The following LPP variants were observed in gnomAD, a reference collection of about 807,000 sequenced individuals.
The protein encoded by LPP is LIM domain containing preferred translocation partner in lipoma.
Under a neutral mutation model 60.4 loss-of-function variants are expected in LPP, and 38 were observed. The observed-to-expected ratio is 0.63, with a 90% CI of 0.49 to 0.83. The LOEUF is 0.83. Ranked by LOEUF, LPP falls within the 40% of genes least tolerant of loss-of-function variation. The pLI is 0.00. For synonymous variants in LPP, 328 were observed against 290.8 expected, an observed-to-expected ratio of 1.13 and a Z score of -1.30; for missense variants, 902 against 783.6, an observed-to-expected ratio of 1.15 and a Z score of -1.80.
At chr3:188,424,584 G>A (rs577910982) in intron 4 of LPP, among the ~76,000 whole-genome samples, 1 of 152,250 alleles carries the variant, frequency 6.6e-6, no homozygotes, top group South Asian at 2.1e-4. Flanking sequence ...TTATCCATGA[G>A]CATGGAATGG....
chr3:188,574,408 C>T (rs959116092), intron 6 of LPP, among the ~76,000 whole-genome samples: 2 of 152,134 alleles, frequency 1.3e-5, no homozygotes, highest in African/African-American at 4.8e-5. Context: ...ATTTTATCTC[C>T]CACAAATATA....
chr3:188,299,231 A>G (rs899300150), intron 2 of LPP, among the ~76,000 whole-genome samples: 6 of 152,172 alleles, frequency 3.9e-5, no homozygotes, highest in African/African-American at 1.4e-4. Context: ...CATTTCAGTC[A>G]TATCTTCCTT....
At chr3:188,314,338 G>A (rs1754405195) in intron 2 of LPP, among the ~76,000 whole-genome samples, 1 of 151,392 alleles carries the variant, frequency 6.6e-6, no homozygotes, top group African/African-American at 2.4e-5. Flanking sequence ...AGGTTATCTA[G>A]CTTTTTTTTT....
At chr3:188,816,198 CTTTTTTTTTT>C (rs34839724) in intron 9 of LPP, among the ~76,000 whole-genome samples, 69 of 103,940 alleles carry the variant, frequency 6.6e-4, no homozygotes, top group African/African-American at 2.3e-3. Flanking sequence ...GCTTCCTTCT[CTTTTTTTTTT>C]TTTTTTTTTT....
intron 4 of LPP, among the ~76,000 whole-genome samples, chr3:188,466,066 T>G (rs1800295582): frequency 6.6e-6 from 1 of 152,160 alleles, no homozygotes; most frequent in Non-Finnish European, 1.5e-5. Context: ...ATCAGAATCC[T>G]AGGTACTCTC....
rs542213743 is a variant in LPP at position 188,154,187 on chromosome 3, A to AGCCGCCGCCGCCGCC, written c.-242_-228dup. On this transcript the variant is annotated 5_prime_UTR_variant, in exon 1 of 12. Coordinates refer to ENST00000617246, the MANE Select transcript of LPP (RefSeq NM_001375462.1). ...CTCCTCTGCCTCTGCCTCCGCCTCCAGCCGCCGCCGCCGCCGCCGCCGCCG... is the reference window on the plus strand; with the variant it reads ...CTCCTCTGCCTCTGCCTCCGCCTCCAGCCGCCGCCGCCGCCGCCGCCGCCGCCGCCGCCGCCGCCG... The AGCCGCCGCCGCCGCC allele has an allele frequency of 7.5e-5, 16 of 212,026 alleles. 2 individuals carry two copies. Among genetic ancestry groups the AGCCGCCGCCGCCGCC allele is most frequent in the Middle Eastern group, 4.1e-3 (2 of 484 alleles). The allele number at this position is 212,026 out of a possible 1,614,324, so 13.1% of individuals were successfully genotyped here. A position where few individuals can be genotyped will look rare whatever the true frequency, so the allele number is the denominator to read the frequency against.
At chr3:188,462,909 C>A (rs1799494533) in intron 4 of LPP, among the ~76,000 whole-genome samples, 1 of 151,912 alleles carries the variant, frequency 6.6e-6, no homozygotes, top group East Asian at 1.9e-4. Flanking sequence ...GAATTTGTGA[C>A]CAACCTGGCC....
intron 2 of LPP, among the ~76,000 whole-genome samples, chr3:188,327,918 GA>G (rs1273579436): frequency 6.6e-6 from 1 of 152,066 alleles, no homozygotes; most frequent in Non-Finnish European, 1.5e-5. Context: ...AGTAAGAAAT[GA>G]AACTACAATT....
chr3:188,854,264 T>G (rs1408046699), intron 9 of LPP, among the ~76,000 whole-genome samples: 1 of 152,064 alleles, frequency 6.6e-6, no homozygotes, highest in African/African-American at 2.4e-5. Context: ...TTTGGCAGGG[T>G]GGGGGAGGAA....
intron 7 of LPP, among the ~76,000 whole-genome samples, chr3:188,697,918 A>G (rs927071246): frequency 1.4e-5 from 2 of 146,966 alleles, no homozygotes; most frequent in Non-Finnish European, 2.9e-5. Flanking sequence ...AATTATGACA[A>G]TCCAAGTATC....
intron 7 of LPP, among the ~76,000 whole-genome samples, chr3:188,686,758 G>A (rs1391035478): frequency 2.6e-5 from 4 of 152,220 alleles, no homozygotes; most frequent in African/African-American, 9.6e-5. Context: ...CTCTGATGGT[G>A]AGTATGGGAA....
At chr3:188,285,348 C>T (rs936042909) in intron 2 of LPP, among the ~76,000 whole-genome samples, 1 of 152,144 alleles carries the variant, frequency 6.6e-6, no homozygotes. Context: ...TTATGGTAAT[C>T]CCCATATCTT....
At chr3:188,705,698 A>G (rs1865352593) in intron 7 of LPP, among the ~76,000 whole-genome samples, 1 of 151,784 alleles carries the variant, frequency 6.6e-6, no homozygotes, top group Non-Finnish European at 1.5e-5. Context: ...TCTTGGCTCA[A>G]ACTGTACCAC....
intron 6 of LPP, among the ~76,000 whole-genome samples, chr3:188,563,458 A>ATGTGTGTGTG (rs966931196): frequency 1.6e-4 from 12 of 76,064 alleles, no homozygotes; most frequent in African/African-American, 5.6e-4. Context: ...ATTTACATAT[A>ATGTGTGTGTG]TATGTGTGTG....
chr3:188,552,127 G>A lies in LPP; in HGVS notation c.429+27340G>A, dbSNP rs143688896. ...ATTTTACTTGATAATCTCCAAAATT[G>A]TGACCAGCTCTAATGTTTTACAATT... is the stretch of plus-strand genomic sequence containing the variant. On this transcript the variant is annotated intron_variant, in intron 6 of 11. Coordinates refer to ENST00000617246, the MANE Select transcript of LPP (RefSeq NM_001375462.1). Among the ~76,000 whole-genome samples, 365 of 152,236 alleles carry A rather than the reference G, an allele frequency of 2.4e-3. 2 individuals carry two copies. Among genetic ancestry groups the A allele is most frequent in the Non-Finnish European group, 4.2e-3 (283 of 68,014 alleles).
intron 2 of LPP, among the ~76,000 whole-genome samples, chr3:188,330,251 T>G (rs1022627771): frequency 7.2e-5 from 11 of 152,174 alleles, no homozygotes; most frequent in Admixed American, 5.2e-4. Context: ...ATGTCTCTTA[T>G]GTTATAGAGT....
In LPP at chr3:188,518,101, C is replaced by T. The variant is rs539205410; in HGVS notation, c.307-6564C>T. ...CATGCTTCCTGTACAGCCTGCGGAA[C>T]CATGAGCCAAATAAACCTCTTCTCT... On this transcript the variant is annotated intron_variant, in intron 5 of 11. Coordinates refer to ENST00000617246, the MANE Select transcript of LPP (RefSeq NM_001375462.1). 3.9e-5 allele frequency among the ~76,000 whole-genome samples: 6 copies of T among 152,284 alleles called. No individual in the cohort carries two copies. In the South Asian group the frequency reaches 1.0e-3, roughly 26 times the overall value.
intron 9 of LPP, among the ~76,000 whole-genome samples, chr3:188,865,074 C>T (rs978904017): frequency 2.0e-5 from 3 of 152,206 alleles, no homozygotes; most frequent in Non-Finnish European, 4.4e-5. Context: ...CTGCATCTTT[C>T]TAATAAGATC....
intron 9 of LPP, among the ~76,000 whole-genome samples, chr3:188,798,237 T>C (rs1378199742): frequency 1.3e-5 from 2 of 152,128 alleles, no homozygotes; most frequent in Admixed American, 1.3e-4. Flanking sequence ...GGGGAGAAAA[T>C]AGAAACTTAG....
Sources: gnomAD v4.1 joint callset for allele counts (sites outside exome capture counted in the v4.1 genomes callset) on GRCh38, gnomAD v4.1.1 for gene constraint, MANE v1.5 for transcripts, NCBI Gene and HGNC (gene_info 2026-07-23, HGNC 2026-07-21) for gene names.